The following EMSY variants were observed in gnomAD, a reference collection of about 807,000 sequenced individuals.
The protein encoded by EMSY is BRCA2-interacting transcriptional repressor EMSY.
Under a neutral mutation model 134.6 loss-of-function variants are expected in EMSY, and 26 were observed. The ratio of observed to expected loss-of-function variants is 0.19; its 90% confidence interval spans 0.14 to 0.27. The LOEUF (loss-of-function observed/expected upper bound fraction) is 0.27. Ranked by LOEUF, EMSY falls within the 10% of genes least tolerant of loss-of-function variation. EMSY has a pLI of 1.00. For missense variants in EMSY, 1,305 were observed against 1,611.4 expected (o/e 0.81, Z 3.26); for synonymous variants, 579 against 577.8 (o/e 1.00, Z -0.03).
chr11:76,463,766 G>A (rs1326991999), intron 6 of EMSY, 55 bp from the exon 8 acceptor site: 1 of 1,569,698 alleles, frequency 6.4e-7, no homozygotes, highest in South Asian at 1.2e-5. Flanking sequence ...AAAATAAAGT[G>A]TATAATGCAA....
At chr11:76,464,434 G>T (rs1433431915) in intron 7 of EMSY, among the ~76,000 whole-genome samples, 1 of 152,144 alleles carries the variant, frequency 6.6e-6, no homozygotes, top group Non-Finnish European at 1.5e-5. Flanking sequence ...GTTTTAATTT[G>T]CCAAAGTAGT....
chr11:76,475,341 C>T (rs1050579825), intron 8 of EMSY, among the ~76,000 whole-genome samples: 6 of 152,158 alleles, frequency 3.9e-5, no homozygotes, highest in Non-Finnish European at 7.4e-5. Context: ...AGATATTTCT[C>T]TTGGTTACTA....
At chr11:76,451,808 G>A (rs1400234900) in intron 2 of EMSY, 50 bp from the exon 3 acceptor site, 1 of 1,171,848 alleles carries the variant, frequency 8.5e-7, no homozygotes, top group Non-Finnish European at 1.2e-6. Flanking sequence ...CATAGCCATA[G>A]TATTAAAATA....
At chr11:76,548,529 A>C (rs1438671711) in intron 20 of EMSY, among the ~76,000 whole-genome samples, 2 of 152,182 alleles carry the variant, frequency 1.3e-5, no homozygotes, top group Admixed American at 6.6e-5. Context: ...TTAGAACTGC[A>C]ACGATCTTCA....
chr11:76,464,414 A>G (rs965632086), intron 7 of EMSY, among the ~76,000 whole-genome samples: 1 of 152,240 alleles, frequency 6.6e-6, no homozygotes, highest in African/African-American at 2.4e-5. Context: ...CCTTCCCTGT[A>G]GCAACTCAGG....
intron 7 of EMSY, among the ~76,000 whole-genome samples, chr11:76,470,350 C>T (rs1318178172): frequency 6.6e-6 from 1 of 152,140 alleles, no homozygotes; most frequent in African/African-American, 2.4e-5. Flanking sequence ...TGTGATACTA[C>T]AGACTTCTAA....
chr11:76,535,955 T>C (rs762751704), exon 15 of EMSY: 4 of 1,603,278 alleles, frequency 2.5e-6, no homozygotes, highest in South Asian at 2.2e-5. Flanking sequence ...GAACATGAGA[T>C]TGCAATGGAG....
chr11:76,467,037 T>C (rs1286458101), intron 7 of EMSY, among the ~76,000 whole-genome samples: 1 of 152,248 alleles, frequency 6.6e-6, no homozygotes, highest in Admixed American at 6.5e-5. Context: ...AATAAATGAA[T>C]TCATCAGTTC....
chr11:76,489,708 G>T (rs1284146045), intron 8 of EMSY, among the ~76,000 whole-genome samples: 1 of 151,382 alleles, frequency 6.6e-6, no homozygotes, highest in Admixed American at 6.6e-5. Context: ...AGGTTCCAGC[G>T]ATTCTCCTGC....
At chr11:76,450,338 T>C (rs1268336955) in intron 2 of EMSY, among the ~76,000 whole-genome samples, 1 of 151,822 alleles carries the variant, frequency 6.6e-6, no homozygotes, top group African/African-American at 2.4e-5. Context: ...GAAACATGTT[T>C]CCTGAAACTA....
intron 9 of EMSY, among the ~76,000 whole-genome samples, chr11:76,509,976 T>C (rs950884217): frequency 3.9e-5 from 6 of 152,210 alleles, no homozygotes; most frequent in African/African-American, 1.4e-4. Context: ...GGAGAATTGC[T>C]TTAGCTCAGG....
chr11:76,505,873 A>T (rs1950057246), intron 9 of EMSY, among the ~76,000 whole-genome samples: 1 of 151,996 alleles, frequency 6.6e-6, no homozygotes, highest in Non-Finnish European at 1.5e-5. Flanking sequence ...AAAAGAAAAA[A>T]AAATTTCAGG....
intron 7 of EMSY, among the ~76,000 whole-genome samples, chr11:76,471,588 A>G (rs1318286219): frequency 6.6e-6 from 1 of 151,824 alleles, no homozygotes; most frequent in Non-Finnish European, 1.5e-5. Context: ...GACCTTGACA[A>G]TTTTGAGGAG....
intron 7 of EMSY, among the ~76,000 whole-genome samples, chr11:76,469,975 A>C (rs747609949): frequency 6.6e-6 from 1 of 152,202 alleles, no homozygotes; most frequent in African/African-American, 2.4e-5. Context: ...TGATGCCTCA[A>C]ATAATTAACT....
chr11:76,518,858 T>TTGTGTGTGTG (rs10691630), intron 11 of EMSY, among the ~76,000 whole-genome samples: 25 of 143,154 alleles, frequency 1.7e-4, no homozygotes, highest in African/African-American at 4.9e-4. Flanking sequence ...ATAGGCTGTC[T>TTGTGTGTGTG]TGTGTGTGTG....
intron 19 of EMSY, 123 bp downstream of exon 20, chr11:76,544,945 A>G: frequency 9.5e-7 from 1 of 1,050,112 alleles, no homozygotes; most frequent in East Asian, 2.6e-5. Flanking sequence ...CAAAAGCCTC[A>G]TTACGCTGGT....
chr11:76,458,214 T>C (rs2135017139), exon 5 of EMSY: 1 of 1,614,026 alleles, frequency 6.2e-7, no homozygotes, highest in Non-Finnish European at 8.5e-7. Flanking sequence ...TTCAGAATGG[T>C]CCATTGAAGG....
chr11:76,480,495 TCTC>T (rs1948929114), intron 8 of EMSY, among the ~76,000 whole-genome samples: 2 of 152,126 alleles, frequency 1.3e-5, no homozygotes, highest in Non-Finnish European at 2.9e-5. Flanking sequence ...CAGTTGAAAT[TCTC>T]CTCAAAAATA....
chr11:76,475,519 A>C (rs1458962299), intron 8 of EMSY, among the ~76,000 whole-genome samples: 2 of 152,176 alleles, frequency 1.3e-5, no homozygotes, highest in Non-Finnish European at 2.9e-5. Flanking sequence ...GGGGAGCTGG[A>C]TGTGACATCT....
Sources: gnomAD v4.1 joint callset for allele counts (sites outside exome capture counted in the v4.1 genomes callset) on GRCh38, gnomAD v4.1.1 for gene constraint, MANE v1.5 for transcripts, NCBI Gene and HGNC (gene_info 2026-07-23, HGNC 2026-07-21) for gene names.